Variants in BCHE observed in about 807,000 individuals in gnomAD.
The protein encoded by BCHE is butyrylcholinesterase.
A neutral mutation model predicts 51.3 loss-of-function variants in BCHE; 48 were observed. The observed-to-expected ratio is 0.94, with a 90% CI of 0.74 to 1.19. The LOEUF is 1.19. Ranked by LOEUF, BCHE falls within the 50% of genes most tolerant of loss-of-function variation. The probability of loss-of-function intolerance (pLI) is 0.00; values close to 1 mark genes in which losing one functional copy is unlikely to be tolerated. For missense variants in BCHE, 847 were observed against 708.2 expected, an observed-to-expected ratio of 1.20 and a Z score of -2.23; for synonymous variants, 251 against 238.0, an observed-to-expected ratio of 1.05 and a Z score of -0.50.
At chr3:165,795,116 A>C (rs1483107941) in intron 2 of BCHE, among the ~76,000 whole-genome samples, 1 of 152,204 alleles carries the variant, frequency 6.6e-6, no homozygotes, top group Admixed American at 6.5e-5. Context: ...TTTATTAAAA[A>C]AGAAACTCAC....
At chr3:165,831,834 G>C (rs1441576662) in intron 1 of BCHE, among the ~76,000 whole-genome samples, 1 of 152,126 alleles carries the variant, frequency 6.6e-6, no homozygotes, top group African/African-American at 2.4e-5. Flanking sequence ...AATGTCAATA[G>C]AGAGAACCAG....
At chr3:165,801,304 T>C (rs1263871865) in intron 2 of BCHE, among the ~76,000 whole-genome samples, 1 of 152,200 alleles carries the variant, frequency 6.6e-6, no homozygotes, top group Non-Finnish European at 1.5e-5. Flanking sequence ...AGGATAATTA[T>C]TTTATACTGA....
intron 2 of BCHE, among the ~76,000 whole-genome samples, chr3:165,805,585 C>T (rs1373966846): frequency 2.0e-5 from 3 of 152,150 alleles, no homozygotes; most frequent in Non-Finnish European, 4.4e-5. Context: ...GATGGAAAGA[C>T]ATGTCTCTTC....
Position 165,829,545 on chromosome 3 carries a change from T to A in BCHE, c.1489A>T (p.Lys497Ter), listed in dbSNP as rs768182433. 1 of 1,613,746 alleles carries A rather than the reference T, an allele frequency of 6.2e-7. No individual in the cohort carries two copies. The change falls in exon 2 of 4, where the codon AAA becomes TAA. Residue 497 changes from lysine (K) to a stop codon, truncating the protein, a stop_gained. Coordinates refer to ENST00000264381, the MANE Select transcript of BCHE (RefSeq NM_000055.4). LOFTEE classifies it high-confidence loss of function. ...TATTTTGCAAAATTTGCCCACCGTTTCACTATGGATCTACTCAAAATTTCC... is the reference window on the plus strand; with the variant it reads ...TATTTTGCAAAATTTGCCCACCGTTACACTATGGATCTACTCAAAATTTCC... ...AEEILSRSIVKRWANFAKYGN... is the reference protein window; with the variant it reads ...AEEILSRSIV
chr3:165,815,668 A>G (rs1714289449), intron 2 of BCHE, among the ~76,000 whole-genome samples: 1 of 152,158 alleles, frequency 6.6e-6, no homozygotes, highest in Non-Finnish European at 1.5e-5. Context: ...TATCCTGACT[A>G]TACAATAGGC....
At chr3:165,833,223 G>A (rs1276692036) in intron 1 of BCHE, among the ~76,000 whole-genome samples, 2 of 151,806 alleles carry the variant, frequency 1.3e-5, no homozygotes, top group South Asian at 2.1e-4. Context: ...TGATATTTAG[G>A]TACTATTATA....
chr3:165,834,104 G>A (rs1013008873), intron 1 of BCHE, among the ~76,000 whole-genome samples: 1 of 152,008 alleles, frequency 6.6e-6, no homozygotes, highest in African/African-American at 2.4e-5. Flanking sequence ...AAGTACTATA[G>A]TTGCTACAAA....
chr3:165,828,250 G>A (rs1053599454), intron 2 of BCHE, among the ~76,000 whole-genome samples: 12 of 152,118 alleles, frequency 7.9e-5, no homozygotes, highest in Admixed American at 5.9e-4. Flanking sequence ...TCTAAACAGG[G>A]CACATTGAGA....
intron 3 of BCHE, among the ~76,000 whole-genome samples, chr3:165,781,558 A>G (rs1441843204): frequency 2.0e-5 from 3 of 151,224 alleles, no homozygotes; most frequent in African/African-American, 7.3e-5. Context: ...ACATGGACAC[A>G]GGGAGGGGAA....
At chr3:165,813,393 T>C (rs1370627251) in intron 2 of BCHE, among the ~76,000 whole-genome samples, 1 of 151,732 alleles carries the variant, frequency 6.6e-6, no homozygotes, top group Non-Finnish European at 1.5e-5. Context: ...ATATTGCATT[T>C]TCATCATCTT....
intron 2 of BCHE, among the ~76,000 whole-genome samples, chr3:165,824,532 A>G (rs1041372496): frequency 6.6e-6 from 1 of 152,080 alleles, no homozygotes; most frequent in Non-Finnish European, 1.5e-5. Flanking sequence ...TGTGCTAACA[A>G]TCCTAGAGAA....
At chr3:165,781,058 A>G (rs978947839) in intron 3 of BCHE, among the ~76,000 whole-genome samples, 13 of 152,228 alleles carry the variant, frequency 8.5e-5, no homozygotes, top group Admixed American at 8.5e-4. Flanking sequence ...CCTGACCAAC[A>G]TGGAGAAACC....
intron 2 of BCHE, among the ~76,000 whole-genome samples, chr3:165,825,300 C>T (rs1383572472): frequency 1.3e-5 from 2 of 151,080 alleles, no homozygotes; most frequent in Admixed American, 6.6e-5. Context: ...AAATAATGAA[C>T]CTCAATGCCT....
chr3:165,836,798 C>T (rs1419259329), intron 1 of BCHE, among the ~76,000 whole-genome samples: 2 of 151,948 alleles, frequency 1.3e-5, no homozygotes, highest in Non-Finnish European at 2.9e-5. Flanking sequence ...AATAAACAGA[C>T]CTCTCATTTG....
chr3:165,805,882 C>T (rs754345991), intron 2 of BCHE, among the ~76,000 whole-genome samples: 23 of 152,074 alleles, frequency 1.5e-4, no homozygotes, highest in Admixed American at 8.5e-4. Context: ...TCTTCTCACA[C>T]ACTCTCCATA....
At position 165,786,237 on chromosome 3, in the gene BCHE, A is replaced by T. The variant is rs1425790682; in HGVS notation, c.1592T>A (p.Leu531Ter). The T allele has an allele frequency of 6.2e-7, 1 of 1,612,210 alleles. No homozygotes were observed. The highest frequency in any genetic ancestry group is 2.2e-5 in the East Asian group (1 of 44,750). The change falls in exon 3 of 4, where the codon TTG becomes TAG. Residue 531 changes from leucine (L) to a stop codon, truncating the protein, a stop_gained. Transcript: ENST00000264381. LOFTEE classifies it high-confidence loss of function. The part of the protein sequence containing the change: ...FKSTEQKYLT[L>*]NTESTRIMTK... ...CATTATTCTTGTTGACTCTGTATTC[A>T]AGGTTAGATATTTTTGTTCAGTGCT...
chr3:165,775,549 A>G (rs1333755689), intron 3 of BCHE, among the ~76,000 whole-genome samples: 1 of 151,690 alleles, frequency 6.6e-6, no homozygotes, highest in African/African-American at 2.4e-5. Context: ...TTTCTTGATA[A>G]ATAAATTTTT....
chr3:165,826,216 A>G (rs1205402093), intron 2 of BCHE, among the ~76,000 whole-genome samples: 1 of 152,190 alleles, frequency 6.6e-6, no homozygotes, highest in Admixed American at 6.6e-5. Flanking sequence ...ATATTCGTAG[A>G]ATGCTAGTCA....
intron 3 of BCHE, among the ~76,000 whole-genome samples, chr3:165,779,955 AC>A (rs1712623600): frequency 6.6e-6 from 1 of 152,160 alleles, no homozygotes; most frequent in South Asian, 2.1e-4. Context: ...CATAGCAAAA[AC>A]AATCTTAAGC....
Sources: allele counts gnomAD v4.1 joint callset (sites outside exome capture counted in the v4.1 genomes callset), GRCh38; gene constraint gnomAD v4.1.1; transcripts MANE v1.5; gene names NCBI Gene and HGNC (gene_info 2026-07-23, HGNC 2026-07-21).